ZNF354A: variants seen among roughly 807,000 people sequenced by gnomAD.
ZNF354A encodes epididymis luminal protein 104.
ZNF354A carries 25 observed loss-of-function variants against 53.3 expected under a neutral mutation model. That is an observed-to-expected ratio of 0.47 (90% CI 0.34 to 0.66). The LOEUF is 0.66. Among genes scored for constraint, ZNF354A ranks in the 30% least tolerant of loss-of-function variants. ZNF354A has a pLI of 0.01. For missense variants in ZNF354A, 586 were observed against 716.8 expected (o/e 0.82, Z 2.08); for synonymous variants, 228 against 249.0 (o/e 0.92, Z 0.79).
chr5:178,719,730 G>A (rs915267968), intron 4 of ZNF354A, among the ~76,000 whole-genome samples: 4 of 152,022 alleles, frequency 2.6e-5, no homozygotes, highest in Non-Finnish European at 2.9e-5. Flanking sequence ...GGCGGATCAC[G>A]AGGTCAGGAG....
Position 178,712,905 on chromosome 5 carries a change from G to A in ZNF354A, c.973C>T (p.Pro325Ser). 6 of 1,614,006 alleles carry A rather than the reference G, an allele frequency of 3.7e-6. No individual in the cohort carries two copies. Among genetic ancestry groups the A allele is most frequent in the Non-Finnish European group, 5.1e-6 (6 of 1,180,006 alleles). The change falls in exon 5 of 5, where the codon CCT (proline) becomes TCT (serine). Residue 325 changes from proline (P) to serine (S), a missense_variant. Physicochemically the swap from Pro to Ser is moderately conservative, Grantham distance 74. Coordinates refer to ENST00000335815, the MANE Select transcript of ZNF354A (RefSeq NM_005649.3). ...TTCCTACCCGGATTATACTTACAAG[G>A]GTTTTCTTCAGCATGAATTTTTTGA... Reference protein sequence around the residue: ...IHQKIHAEENPCKYNPGRKAS... With the variant: ...IHQKIHAEENSCKYNPGRKAS...
intron 4 of ZNF354A, among the ~76,000 whole-genome samples, chr5:178,724,965 A>G (rs1581748654): frequency 1.3e-5 from 2 of 152,192 alleles, no homozygotes; most frequent in East Asian, 3.9e-4. Flanking sequence ...AAATCCTTCC[A>G]TTATTTCCAG....
At chr5:178,719,515 G>A (rs1765770031) in intron 4 of ZNF354A, among the ~76,000 whole-genome samples, 1 of 152,216 alleles carries the variant, frequency 6.6e-6, no homozygotes, top group Non-Finnish European at 1.5e-5. Flanking sequence ...AATCGCCATA[G>A]GCTAGATGAA....
intron 1 of ZNF354A, among the ~76,000 whole-genome samples, chr5:178,729,702 G>A (rs1765990998): frequency 2.0e-5 from 3 of 151,616 alleles, no homozygotes; most frequent in Non-Finnish European, 4.4e-5. Context: ...GGGACTACAG[G>A]CGCCCGGCTC....
chr5:178,713,797 T>C (rs887655659), intron 4 of ZNF354A, among the ~76,000 whole-genome samples, 176 bp from the exon 5 acceptor site: 1 of 152,080 alleles, frequency 6.6e-6, no homozygotes, highest in Admixed American at 6.5e-5. Flanking sequence ...TAAAATATAA[T>C]TGACAGCAAT....
At chr5:178,730,260 C>T (rs1766007247) in intron 1 of ZNF354A, among the ~76,000 whole-genome samples, 2 of 152,058 alleles carry the variant, frequency 1.3e-5, no homozygotes, top group South Asian at 4.1e-4. Flanking sequence ...CGGCTGCGTC[C>T]GCCCTGCCCT....
Position 178,713,197 on chromosome 5 carries a change from T to A in ZNF354A, c.681A>T (p.Ser227=). The stretch of plus-strand genomic sequence containing the variant: ...GGTTTTTCTCATGTTTACGAAGGGA[T>A]GAAGTGTTAATGAAGGTTTTTTCAC... The part of the protein sequence containing the change: ...SLCEKTFINT[S]SLRKHEKNHS... The change falls in exon 5 of 5, where the codon TCA becomes TCT. Residue 227 remains serine, a synonymous_variant. Coordinates refer to ENST00000335815, the MANE Select transcript of ZNF354A (RefSeq NM_005649.3). 1 of 1,614,170 alleles carries A rather than the reference T, an allele frequency of 6.2e-7. No homozygotes were observed. Among genetic ancestry groups the A allele is most frequent in the Non-Finnish European group, 8.5e-7 (1 of 1,180,012 alleles).
At position 178,713,065 on chromosome 5, in the gene ZNF354A, T is replaced by C. The variant is rs139993828; in HGVS notation, c.813A>G (p.Ile271Met). ...TAAAGGCTTTCCCACATTCTTTACA[T>C]ATGTAGGGTTTCTCTCCAGTATGCG... ...QITHTGEKPY[I>M]CKECGKAFTL... Residue 271 changes from isoleucine (I) to methionine (M), a missense_variant, in exon 5 of 5, where the codon ATA becomes ATG. Ile to Met is a conservative substitution (Grantham distance 10, BLOSUM62 1). Coordinates refer to ENST00000335815, the MANE Select transcript of ZNF354A (RefSeq NM_005649.3). The C allele has an allele frequency of 1.2e-6, 2 of 1,613,910 alleles. No individual in the cohort carries two copies. Among genetic ancestry groups the C allele is most frequent in the Non-Finnish European group, 1.7e-6 (2 of 1,179,938 alleles).
chr5:178,723,879 C>A (rs1765856574), intron 4 of ZNF354A, among the ~76,000 whole-genome samples: 1 of 151,904 alleles, frequency 6.6e-6, no homozygotes, highest in Non-Finnish European at 1.5e-5. Flanking sequence ...CGGGCTCTGT[C>A]AGATTCCTCC....
Position 178,725,417 on chromosome 5 carries a change from G to T in ZNF354A, c.215C>A (p.Pro72His). 1 of 1,614,118 alleles carries T rather than the reference G, an allele frequency of 6.2e-7. No homozygotes were observed. Among genetic ancestry groups the T allele is most frequent in the Non-Finnish European group, 8.5e-7 (1 of 1,180,020 alleles). ...AGAACCGTCTTTCTCCACCTCCCAG[G>T]GATCTTCTCCTTGCTGCAACAGGGA... The part of the protein sequence containing the change: ...VISLLQQGED[P>H]WEVEKDGSGV... Residue 72 changes from proline (P) to histidine (H), a missense_variant, in exon 4 of 5, where the codon CCC becomes CAC. Around this residue, in one of 2 missense-constraint regions of ZNF354A, gnomAD observed 573 missense variants for 680.1 expected, o/e 0.84. Coordinates refer to ENST00000335815, the MANE Select transcript of ZNF354A (RefSeq NM_005649.3).
In ZNF354A at chr5:178,727,087, G is replaced by C. The variant is rs1467065344; in HGVS notation, c.72C>G (p.Thr24=). 6.2e-7 allele frequency: 1 copy of C among 1,613,962 alleles called. No individual in the cohort carries two copies. Among genetic ancestry groups the C allele is most frequent in the Admixed American group, 1.7e-5 (1 of 59,998 alleles). The change falls in exon 3 of 5, where the codon ACC becomes ACG. Residue 24 remains threonine, a synonymous_variant. Coordinates refer to ENST00000335815, the MANE Select transcript of ZNF354A (RefSeq NM_005649.3). ...GGGCCAGCTTTCTCCACTCATCTCGGGTAAACAGCACAGCCACATCCTCAA... is the reference window on the plus strand; with the variant it reads ...GGGCCAGCTTTCTCCACTCATCTCGCGTAAACAGCACAGCCACATCCTCAA... ...LTFEDVAVLF[T]RDEWRKLAPS...
In ZNF354A at chr5:178,712,342, G is replaced by A. The variant is rs1455862816; in HGVS notation, c.1536C>T (p.His512=). 3 of 1,613,846 alleles carry A rather than the reference G, an allele frequency of 1.9e-6. No homozygotes were observed. The highest frequency in any genetic ancestry group is 2.7e-5 in the African/African-American group (2 of 74,872). Residue 512 remains histidine (H), a synonymous_variant, in exon 5 of 5, where the codon CAC becomes CAT. Transcript: ENST00000335815. ...GTTTCTCTCCAGTATGAATTCTCTGGTGATTACTAAGTGATGAGTTACACC... is the reference window on the plus strand; with the variant it reads ...GTTTCTCTCCAGTATGAATTCTCTGATGATTACTAAGTGATGAGTTACACC... ...TFRCNSSLSN[H]QRIHTGEKPY... is the part of the protein sequence containing the mutation.
At chr5:178,723,286 G>A (rs896550036) in intron 4 of ZNF354A, among the ~76,000 whole-genome samples, 5 of 152,186 alleles carry the variant, frequency 3.3e-5, no homozygotes, top group East Asian at 3.9e-4. Context: ...GGCCATCACT[G>A]AGCCCTCTGG....
Position 178,712,725 on chromosome 5 carries a change from T to C in ZNF354A, c.1153A>G (p.Ser385Gly), listed in dbSNP as rs1406973778. ...TGGCTGAAGGCTCTCCCACATTCAC[T>C]ACATTTAAAAGGCTTCTCTCCAGTG... ...IHTGEKPFKC[S>G]ECGRAFSQSA... The change falls in exon 5 of 5, where the codon AGT becomes GGT. Residue 385 changes from serine (S) to glycine (G), a missense_variant. By Grantham distance (56) the Ser-to-Gly change is moderately conservative (BLOSUM62 0). Around this residue, in one of 2 missense-constraint regions of ZNF354A, gnomAD observed 573 missense variants for 680.1 expected, o/e 0.84. Transcript: ENST00000335815. 3.1e-6 allele frequency: 5 copies of C among 1,613,662 alleles called. No homozygotes were observed. Among genetic ancestry groups the C allele is most frequent in the Admixed American group, 1.7e-5 (1 of 59,990 alleles).
chr5:178,725,291 G>A (rs1426423409), intron 4 of ZNF354A, 85 bp downstream of exon 4: 2 of 1,353,832 alleles, frequency 1.5e-6, no homozygotes, highest in African/African-American at 1.4e-5. Context: ...AATTCTCAAG[G>A]GAGTTTCCCA....
At chr5:178,720,698 T>C (rs1051250496) in intron 4 of ZNF354A, among the ~76,000 whole-genome samples, 2 of 152,338 alleles carry the variant, frequency 1.3e-5, no homozygotes, top group South Asian at 2.1e-4. Context: ...TACTTCAGTA[T>C]GGAGCCCTAG....
At chr5:178,726,915 G>A in intron 3 of ZNF354A, 84 bp downstream of exon 3, 1 of 1,521,306 alleles carries the variant, frequency 6.6e-7, no homozygotes, top group Non-Finnish European at 8.8e-7. Context: ...AAATTTTTCA[G>A]TGACCAACCG....
chr5:178,719,910 G>T (rs926641920), intron 4 of ZNF354A, among the ~76,000 whole-genome samples: 1 of 150,232 alleles, frequency 6.7e-6, no homozygotes, highest in Non-Finnish European at 1.5e-5. Context: ...TCCCGCCACC[G>T]CACTCCAGCC....
intron 3 of ZNF354A, among the ~76,000 whole-genome samples, chr5:178,725,855 C>T (rs1038388936): frequency 6.6e-6 from 1 of 151,082 alleles, no homozygotes; most frequent in Non-Finnish European, 1.5e-5. Flanking sequence ...TCTGACTCCG[C>T]TTTTTTTTTC....
Sources: gnomAD v4.1 joint callset for allele counts (sites outside exome capture counted in the v4.1 genomes callset) on GRCh38, gnomAD v4.1.1 for gene constraint, gnomAD v4.1.1 regional missense constraint, MANE v1.5 for transcripts, NCBI Gene and HGNC (gene_info 2026-07-23, HGNC 2026-07-21) for gene names.